The following PCSK2 variants were observed in gnomAD, a reference collection of about 807,000 sequenced individuals.
PCSK2 encodes proprotein convertase subtilisin/kexin type 2.
PCSK2 carries 14 observed loss-of-function variants against 69.7 expected under a neutral mutation model. The observed-to-expected ratio is 0.20, with a 90% CI of 0.13 to 0.31. The LOEUF is 0.31. PCSK2 is among the 10% of genes least tolerant of loss of function. The pLI is 1.00. For missense variants in PCSK2, 544 were observed against 842.5 expected, an observed-to-expected ratio of 0.65 and a Z score of 4.39; for synonymous variants, 307 against 320.7, an observed-to-expected ratio of 0.96 and a Z score of 0.46.
intron 2 of PCSK2, among the ~76,000 whole-genome samples, chr20:17,348,313 G>C (rs551230053): frequency 5.4e-4 from 83 of 152,322 alleles, no homozygotes; most frequent in African/African-American, 1.9e-3. Context: ...GGCAGCTTTG[G>C]AGTGAGATGA....
At chr20:17,473,990 G>A (rs971844443) in intron 11 of PCSK2, among the ~76,000 whole-genome samples, 3 of 152,180 alleles carry the variant, frequency 2.0e-5, no homozygotes, top group East Asian at 1.9e-4. Flanking sequence ...CTCAGCCAAC[G>A]TGAAAAGAGT....
intron 6 of PCSK2, among the ~76,000 whole-genome samples, chr20:17,412,238 A>G (rs1351532057): frequency 6.6e-6 from 1 of 152,218 alleles, no homozygotes; most frequent in Non-Finnish European, 1.5e-5. Context: ...TGTCCAAGCT[A>G]AAGGAGCATA....
chr20:17,314,088 C>T (rs916523147), intron 2 of PCSK2, among the ~76,000 whole-genome samples: 3 of 151,834 alleles, frequency 2.0e-5, no homozygotes, highest in Admixed American at 1.3e-4. Context: ...GACTGCATTA[C>T]CCTGAGTATT....
At chr20:17,362,168 T>C (rs565410286) in intron 4 of PCSK2, among the ~76,000 whole-genome samples, 1 of 152,340 alleles carries the variant, frequency 6.6e-6, no homozygotes, top group African/African-American at 2.4e-5. Flanking sequence ...CCTAAAGTCA[T>C]TGGCTCCTGA....
intron 6 of PCSK2, among the ~76,000 whole-genome samples, chr20:17,427,760 G>T (rs1277221268): frequency 4.6e-5 from 7 of 151,868 alleles, no homozygotes; most frequent in African/African-American, 1.7e-4. Flanking sequence ...GATTGGTTTA[G>T]GATGACCTCA....
chr20:17,318,962 A>T (rs1342275999), intron 2 of PCSK2, among the ~76,000 whole-genome samples: 1 of 152,194 alleles, frequency 6.6e-6, no homozygotes, highest in African/African-American at 2.4e-5. Flanking sequence ...CCATCTTGTT[A>T]TGTGTAATGC....
intron 5 of PCSK2, among the ~76,000 whole-genome samples, chr20:17,390,381 C>T (rs2031341656): frequency 6.6e-6 from 1 of 152,184 alleles, no homozygotes; most frequent in South Asian, 2.1e-4. Context: ...TGCTTAAGAT[C>T]ACATATGCTA....
rs2033462384 is a variant in PCSK2 at position 17,484,563 on chromosome 20, C to T, written c.*2493C>T. ...TAAATTAGGAGGCTCAACAATAAAACATTATGCTCCAGAAATTATGTGAGA... is the reference window on the plus strand; with the variant it reads ...TAAATTAGGAGGCTCAACAATAAAATATTATGCTCCAGAAATTATGTGAGA... On this transcript the variant is annotated 3_prime_UTR_variant, in exon 12 of 12. Coordinates refer to ENST00000262545, the MANE Select transcript of PCSK2 (RefSeq NM_002594.5). 1 of 152,178 alleles carries T rather than the reference C, an allele frequency of 6.6e-6. No individual in the cohort carries two copies. Among genetic ancestry groups the T allele is most frequent in the Non-Finnish European group, 1.5e-5 (1 of 67,968 alleles). 9.4% of individuals were successfully genotyped at this position (152,178 alleles called of 1,614,324 possible). A position where few individuals can be genotyped will look rare whatever the true frequency, so the allele number is the denominator to read the frequency against.
intron 2 of PCSK2, among the ~76,000 whole-genome samples, chr20:17,308,076 A>T (rs376412406): frequency 6.6e-6 from 1 of 150,548 alleles, no homozygotes; most frequent in African/African-American, 2.5e-5. Flanking sequence ...ATTCACGGGG[A>T]GCAGGCATCT....
At chr20:17,276,118 G>C (rs1988065503) in intron 2 of PCSK2, among the ~76,000 whole-genome samples, 2 of 152,104 alleles carry the variant, frequency 1.3e-5, no homozygotes, top group Non-Finnish European at 2.9e-5. Flanking sequence ...CTATGTAGTA[G>C]CATTTTTGTT....
chr20:17,413,625 GAGAC>G (rs748593777), intron 6 of PCSK2, among the ~76,000 whole-genome samples: 3 of 152,146 alleles, frequency 2.0e-5, no homozygotes, highest in Admixed American at 6.5e-5. Context: ...ACAGATCAAC[GAGAC>G]AGAAGGTTAA....
intron 1 of PCSK2, among the ~76,000 whole-genome samples, chr20:17,240,923 G>T (rs922148024): frequency 6.6e-6 from 1 of 152,180 alleles, no homozygotes; most frequent in Admixed American, 6.5e-5. Context: ...CAGCCAGTAA[G>T]CAACAAGGCT....
chr20:17,473,417 A>T (rs775138705), intron 11 of PCSK2, among the ~76,000 whole-genome samples: 7 of 152,162 alleles, frequency 4.6e-5, no homozygotes, highest in Non-Finnish European at 1.0e-4. Flanking sequence ...TCCAGAAAGC[A>T]TGCTTCATTT....
intron 1 of PCSK2, among the ~76,000 whole-genome samples, chr20:17,256,000 T>A (rs555021974): frequency 6.6e-6 from 1 of 152,296 alleles, no homozygotes; most frequent in Non-Finnish European, 1.5e-5. Context: ...TGATTCTTCC[T>A]CTTCCATTTT....
chr20:17,411,086 A>C (rs927107747), intron 6 of PCSK2, among the ~76,000 whole-genome samples: 1 of 152,216 alleles, frequency 6.6e-6, no homozygotes, highest in Non-Finnish European at 1.5e-5. Context: ...TGCTATAAAA[A>C]TACTCCTTAA....
chr20:17,361,384 G>A (rs566406621), intron 4 of PCSK2, among the ~76,000 whole-genome samples: 12 of 152,232 alleles, frequency 7.9e-5, no homozygotes, highest in Non-Finnish European at 1.6e-4. Flanking sequence ...GAAAACCAAT[G>A]GGCTTGATGA....
intron 2 of PCSK2, among the ~76,000 whole-genome samples, chr20:17,298,885 C>A (rs184024199): frequency 6.6e-6 from 1 of 152,158 alleles, no homozygotes; most frequent in Non-Finnish European, 1.5e-5. Context: ...TATATTTGCA[C>A]ATGTTACACT....
intron 2 of PCSK2, among the ~76,000 whole-genome samples, chr20:17,303,445 A>AT (rs373389658): frequency 7.8e-5 from 4 of 51,314 alleles, no homozygotes; most frequent in African/African-American, 1.6e-4. Flanking sequence ...ATAATATAAT[A>AT]TATATTATAT....
intron 2 of PCSK2, among the ~76,000 whole-genome samples, chr20:17,325,534 C>A (rs1300288608): frequency 6.6e-6 from 1 of 152,186 alleles, no homozygotes; most frequent in African/African-American, 2.4e-5. Context: ...TAAAGCCTTC[C>A]ATCTACTCAA....
Sources: allele counts gnomAD v4.1 joint callset (sites outside exome capture counted in the v4.1 genomes callset), GRCh38; gene constraint gnomAD v4.1.1; transcripts MANE v1.5; gene names NCBI Gene and HGNC (gene_info 2026-07-23, HGNC 2026-07-21).